The following AKR7A3 variants were observed in gnomAD, a reference collection of about 807,000 sequenced individuals.
The protein encoded by AKR7A3 is AFB1 aldehyde reductase 2.
AKR7A3 carries 37 observed loss-of-function variants against 32.5 expected under a neutral mutation model. The ratio of observed to expected loss-of-function variants is 1.14; its 90% confidence interval spans 0.88 to 1.50. AKR7A3 has a LOEUF of 1.50. Among genes scored for constraint, AKR7A3 ranks in the 40% most tolerant of loss-of-function variants. The probability of loss-of-function intolerance (pLI) is 0.00; values close to 1 mark genes in which losing one functional copy is unlikely to be tolerated. For missense variants in AKR7A3, 412 were observed against 453.2 expected, an observed-to-expected ratio of 0.91 and a Z score of 0.83; for synonymous variants, 177 against 188.4, an observed-to-expected ratio of 0.94 and a Z score of 0.50.
rs770231469 is a variant in AKR7A3, at chr1:19,288,646, G to A, written c.64C>T (p.Arg22Cys). 1.4e-5 allele frequency: 22 copies of A among 1,550,472 alleles called. No homozygotes were observed. Among genetic ancestry groups the A allele is most frequent in the South Asian group, 2.4e-5 (2 of 84,512 alleles). Residue 22 changes from arginine to cysteine, a missense_variant, in exon 1 of 7, where the codon CGC becomes TGC. Physicochemically the swap from Arg to Cys is radical, Grantham distance 180 (BLOSUM62 -3). Coordinates refer to ENST00000361640, the MANE Select transcript of AKR7A3 (RefSeq NM_012067.3). ...GCGGCGCTGGTGGGCGCGTCCATGC[G>A]GCGCCCCATCTCCATGGCGCCCAGC... ...TVLGAMEMGR[R>C]MDAPTSAAVT... is the part of the protein sequence containing the mutation.
chr1:19,286,645 C>T (rs1342721466), intron 1 of AKR7A3, among the ~76,000 whole-genome samples: 1 of 151,820 alleles, frequency 6.6e-6, no homozygotes, highest in Non-Finnish European at 1.5e-5. Context: ...TGTGCCACAG[C>T]ACAATGTCTC....
Position 19,285,951 on chromosome 1 carries a change from C to T in AKR7A3, c.444G>A (p.Trp148Ter), listed in dbSNP as rs1478714419. Reference protein sequence around the residue: ...VELGLSNYAAWEVAEICTLCK... With the variant: ...VELGLSNYAA ...AGAGGGTACAGATCTCGGCCACTTC[C>T]CAGGCTGCATAGTTGGAGAGGCCAA... The change falls in exon 3 of 7, where the codon TGG (tryptophan) becomes TGA (stop). Residue 148 changes from tryptophan to a stop codon, truncating the protein, a stop_gained. Coordinates refer to ENST00000361640, the MANE Select transcript of AKR7A3 (RefSeq NM_012067.3). LOFTEE classifies it high-confidence loss of function. 6.2e-7 allele frequency: 1 copy of T among 1,613,612 alleles called. No individual in the cohort carries two copies. The highest frequency in any genetic ancestry group is 1.7e-5 in the Admixed American group (1 of 60,006).
At position 19,282,620 on chromosome 1, in the gene AKR7A3, G is replaced by T. The variant is rs1394748628; in HGVS notation, c.*111C>A. The T allele has an allele frequency of 1.8e-5, 28 of 1,539,802 alleles. No homozygotes were observed. The highest frequency in any genetic ancestry group is 2.4e-5 in the East Asian group (1 of 42,114). On this transcript the variant is annotated 3_prime_UTR_variant, in exon 7 of 7. Transcript: ENST00000361640. ...GTGGTGACTCTTCTATTAGGTTTTT[G>T]TCCAAATACTTCCATCCCTAAGAAT...
chr1:19,283,047 C>T (rs1183125855), intron 6 of AKR7A3, among the ~76,000 whole-genome samples, 155 bp from the exon 7 acceptor site: 2 of 147,540 alleles, frequency 1.4e-5, no homozygotes, highest in African/African-American at 5.1e-5. Flanking sequence ...ACCCATGTGA[C>T]GCAAAACCTG....
intron 1 of AKR7A3, among the ~76,000 whole-genome samples, chr1:19,287,262 G>A (rs1472190721): frequency 1.3e-5 from 2 of 148,642 alleles, no homozygotes; most frequent in South Asian, 2.1e-4. Context: ...GAGCCCTATC[G>A]CACCACTCCA....
downstream of AKR7A3, among the ~76,000 whole-genome samples, chr1:19,279,813 T>A (rs1464623174): frequency 6.6e-6 from 1 of 151,912 alleles, no homozygotes; most frequent in African/African-American, 2.4e-5. Context: ...TTTATATAAT[T>A]CAAGCTTGTC....
At chr1:19,278,336 G>A (rs1053194109), downstream of AKR7A3, among the ~76,000 whole-genome samples, 2 of 151,762 alleles carry the variant, frequency 1.3e-5, no homozygotes, top group East Asian at 1.9e-4. Context: ...AGGGCAGACA[G>A]ATCATGAGGT....
chr1:19,282,566 A>C (rs2093720574), downstream of AKR7A3: 1 of 1,177,834 alleles, frequency 8.5e-7, no homozygotes, highest in Non-Finnish European at 1.2e-6. Context: ...ACTAACACAC[A>C]GCACCCTGGG....
chr1:19,280,532 T>C (rs1466140869), downstream of AKR7A3, among the ~76,000 whole-genome samples: 1 of 151,824 alleles, frequency 6.6e-6, no homozygotes, highest in African/African-American at 2.4e-5. Context: ...TACTTGCAAA[T>C]ATCCAGATGT....
downstream of AKR7A3, among the ~76,000 whole-genome samples, chr1:19,280,417 C>T (rs1344314178): frequency 6.6e-6 from 1 of 151,510 alleles, no homozygotes; most frequent in African/African-American, 2.4e-5. Flanking sequence ...CCTGTATTTT[C>T]TTCTAAAAGT....
At chr1:19,284,979 G>A (rs1185850198) in intron 4 of AKR7A3, 39 bp downstream of exon 4, 9 of 1,611,302 alleles carry the variant, frequency 5.6e-6, no homozygotes, top group East Asian at 2.2e-5. Flanking sequence ...TCTGTGGGTC[G>A]GGAATAGGCT....
intron 1 of AKR7A3, among the ~76,000 whole-genome samples, chr1:19,288,142 C>G (rs1013223177): frequency 1.3e-5 from 2 of 152,154 alleles, no homozygotes; most frequent in Non-Finnish European, 2.9e-5. Flanking sequence ...CTGGAGGGCA[C>G]AGGTGGGGAC....
In AKR7A3 at chr1:19,284,058, C is replaced by A; in HGVS notation, c.772G>T (p.Ala258Ser). The A allele has an allele frequency of 1.2e-6, 2 of 1,613,698 alleles. No individual in the cohort carries two copies. The highest frequency in any genetic ancestry group is 1.3e-5 in the African/African-American group (1 of 74,872). The change falls in exon 6 of 7, where the codon GCC becomes TCC. Residue 258 changes from alanine (A) to serine (S), a missense_variant. Transcript: ENST00000361640. ...VEKALQAAYGASAPSMTSATL... is the reference protein window; with the variant it reads ...VEKALQAAYGSSAPSMTSATL... ...GCCGAGGTCATGCTGGGGGCGCTGG[C>A]GCCATACGCGGCCTGCAGGGCCTTC...
At chr1:19,287,304 C>A (rs2093732424) in intron 1 of AKR7A3, among the ~76,000 whole-genome samples, 3 of 122,304 alleles carry the variant, frequency 2.5e-5, no homozygotes, top group African/African-American at 1.1e-4. Context: ...AAGACCCTGT[C>A]TCAAAAAAAA....
chr1:19,285,410 T>C lies in AKR7A3; in HGVS notation c.508-296A>G, dbSNP rs113680909. Reference sequence around the variant, plus strand: ...TAATAAGGTCAAGTATAAACAGTTATAATCAAGTCATGAGGCAATCATAAT... The same window carrying C: ...TAATAAGGTCAAGTATAAACAGTTACAATCAAGTCATGAGGCAATCATAAT... On this transcript the variant is annotated intron_variant, in intron 3 of 6. Transcript: ENST00000361640. Among the ~76,000 whole-genome samples the C allele has an allele frequency of 3.6e-4, 54 of 151,810 alleles. 3 individuals are homozygous for C. The highest frequency in any genetic ancestry group is 1.1e-3 in the African/African-American group (47 of 41,156).
intron 3 of AKR7A3, 23 bp from the exon 4 acceptor site, chr1:19,285,137 G>T: frequency 1.2e-6 from 2 of 1,610,796 alleles, no homozygotes; most frequent in Non-Finnish European, 1.7e-6. Flanking sequence ...GGGCCCCGGG[G>T]GAGAGGGTGG....
At chr1:19,285,750 T>C (rs2093728405) in intron 3 of AKR7A3, 138 bp downstream of exon 3, 6 of 1,010,010 alleles carry the variant, frequency 5.9e-6, no homozygotes, top group Non-Finnish European at 9.0e-6. Flanking sequence ...ATCCTGAGGG[T>C]ACCTGGGAGC....
In AKR7A3 at chr1:19,282,741, T is replaced by C; in HGVS notation, c.986A>G (p.Tyr329Cys). 6.2e-7 allele frequency: 1 copy of C among 1,613,766 alleles called. No homozygotes were observed. Among genetic ancestry groups the C allele is most frequent in the Non-Finnish European group, 8.5e-7 (1 of 1,180,030 alleles). Residue 329 changes from tyrosine to cysteine, a missense_variant, in exon 7 of 7, where the codon TAC becomes TGC. Transcript: ENST00000361640. Reference sequence around the variant, plus strand: ...TGAGAAACGATGGGCCTAGCGGAAGTAGTTGGGACATTCGTGAGTAACCAA... The same window carrying C: ...TGAGAAACGATGGGCCTAGCGGAAGCAGTTGGGACATTCGTGAGTAACCAA... ...WHLVTHECPN[Y>C]FR
At chr1:19,285,759 G>A (rs947299190) in intron 3 of AKR7A3, 129 bp downstream of exon 3, 10 of 1,148,250 alleles carry the variant, frequency 8.7e-6, no homozygotes, top group Non-Finnish European at 1.0e-5. Context: ...GTACCTGGGA[G>A]CCATCTGCAG....
Sources: gnomAD v4.1 joint callset for allele counts (sites outside exome capture counted in the v4.1 genomes callset) on GRCh38, gnomAD v4.1.1 for gene constraint, MANE v1.5 for transcripts, NCBI Gene and HGNC (gene_info 2026-07-23, HGNC 2026-07-21) for gene names.